SHQ1: variants seen among roughly 807,000 people sequenced by gnomAD.
SHQ1 encodes the protein protein SHQ1 homolog.
A neutral mutation model predicts 53.8 loss-of-function variants in SHQ1; 49 were observed. That is an observed-to-expected ratio of 0.91 (90% CI 0.72 to 1.16). SHQ1 has a LOEUF of 1.16. Among genes scored for constraint, SHQ1 ranks in the 50% most tolerant of loss-of-function variants. The probability of loss-of-function intolerance (pLI) is 0.00; values close to 1 mark genes in which losing one functional copy is unlikely to be tolerated. For synonymous variants in SHQ1, 243 were observed against 251.0 expected (o/e 0.97, Z 0.30); for missense variants, 738 against 683.1 (o/e 1.08, Z -0.90).
chr3:72,848,158 A>C, intron 1 of SHQ1, 40 bp downstream of exon 1: 1 of 1,613,074 alleles, frequency 6.2e-7, no homozygotes, highest in South Asian at 1.1e-5. Context: ...CAGCTATCTA[A>C]CGAATGCGCC....
intron 10 of SHQ1, among the ~76,000 whole-genome samples, chr3:72,751,508 G>GTGTGTGTGTGTGTATATA (rs1210782182): frequency 8.5e-6 from 1 of 116,982 alleles, no homozygotes; most frequent in African/African-American, 4.4e-5. Context: ...GTGTGTGTGT[G>GTGTGTGTGTGTGTATATA]TATATATATA....
chr3:72,747,947 T>G (rs1163265051), downstream of SHQ1, among the ~76,000 whole-genome samples: 1 of 151,068 alleles, frequency 6.6e-6, no homozygotes, highest in Non-Finnish European at 1.5e-5. Flanking sequence ...TGAGATCATA[T>G]CACTGCACTC....
At chr3:72,811,262 G>A (rs933850396) in intron 9 of SHQ1, among the ~76,000 whole-genome samples, 1 of 152,144 alleles carries the variant, frequency 6.6e-6, no homozygotes, top group African/African-American at 2.4e-5. Flanking sequence ...GATATAACAG[G>A]ATAATCGCAA....
chr3:72,784,174 A>G (rs999492371), intron 10 of SHQ1, among the ~76,000 whole-genome samples: 2 of 151,980 alleles, frequency 1.3e-5, no homozygotes, highest in Non-Finnish European at 2.9e-5. Flanking sequence ...TTAAAAAAAA[A>G]AAGAACAACA....
At chr3:72,835,006 T>C (rs1000980404) in intron 4 of SHQ1, among the ~76,000 whole-genome samples, 2 of 152,122 alleles carry the variant, frequency 1.3e-5, no homozygotes, top group African/African-American at 2.4e-5. Flanking sequence ...CACTCCTTTC[T>C]AGAGGTTCTA....
the SHQ1 span, among the ~76,000 whole-genome samples, chr3:72,734,487 C>T: frequency 6.6e-6 from 1 of 151,258 alleles, no homozygotes; most frequent in Non-Finnish European, 1.5e-5. Flanking sequence ...ATTTCCTGAC[C>T]TGAAGTGATC....
At chr3:72,820,605 C>T (rs961818758) in intron 6 of SHQ1, among the ~76,000 whole-genome samples, 1 of 152,172 alleles carries the variant, frequency 6.6e-6, no homozygotes, top group East Asian at 1.9e-4. Context: ...TCTAACCTAG[C>T]AGCAGTACTG....
At chr3:72,771,241 T>G (rs1559664566) in intron 10 of SHQ1, among the ~76,000 whole-genome samples, 1 of 152,164 alleles carries the variant, frequency 6.6e-6, no homozygotes, top group Non-Finnish European at 1.5e-5. Context: ...TTGTGCTTGC[T>G]CCAAAAAATG....
intron 9 of SHQ1, 97 bp from the exon 10 acceptor site, chr3:72,793,133 T>G (rs563483454): frequency 8.9e-7 from 1 of 1,122,780 alleles, no homozygotes; most frequent in South Asian, 1.5e-5. Context: ...TCCTGATCAT[T>G]TCTTAAGAAC....
In SHQ1 at chr3:72,813,224, T is replaced by C. The variant is rs377632556; in HGVS notation, c.937-430A>G. Among the ~76,000 whole-genome samples the C allele has an allele frequency of 4.4e-3, 662 of 151,118 alleles. 5 individuals carry two copies. Among genetic ancestry groups the C allele is most frequent in the African/African-American group, 0.015 (629 of 41,138 alleles). On this transcript the variant is annotated intron_variant, in intron 8 of 10. Transcript: ENST00000325599. ...TGGTGGCTCATGCCTGTAAAGCACT[T>C]TGGGACTCCAGGCGGGTGGATCACC...
At chr3:72,840,254 A>AT (rs1215515520) in intron 4 of SHQ1, among the ~76,000 whole-genome samples, 1 of 150,240 alleles carries the variant, frequency 6.7e-6, no homozygotes, top group Non-Finnish European at 1.5e-5. Flanking sequence ...AAAAAAAAAA[A>AT]AAAAAAAAAA....
chr3:72,797,034 G>T (rs1033866405), intron 9 of SHQ1, among the ~76,000 whole-genome samples: 5 of 151,570 alleles, frequency 3.3e-5, no homozygotes, highest in Non-Finnish European at 5.9e-5. Flanking sequence ...GAGGCGGGCA[G>T]ATCACCTGAA....
intron 10 of SHQ1, among the ~76,000 whole-genome samples, chr3:72,770,751 C>T (rs190596453): frequency 1.3e-5 from 2 of 152,218 alleles, no homozygotes; most frequent in African/African-American, 4.8e-5. Flanking sequence ...AGGAAAGAGG[C>T]AAATGTGTCT....
the SHQ1 span, among the ~76,000 whole-genome samples, chr3:72,726,859 T>C: frequency 6.6e-6 from 1 of 152,130 alleles, no homozygotes; most frequent in Non-Finnish European, 1.5e-5. Context: ...AGATCATTGG[T>C]GCCAAATGAA....
At chr3:72,827,753 CT>C (rs397877851) in intron 5 of SHQ1, among the ~76,000 whole-genome samples, 1,392 of 111,628 alleles carry the variant, frequency 0.012, 7 homozygotes, top group African/African-American at 0.033. Flanking sequence ...TTTTTCAAGA[CT>C]TTTTTTTTTT....
chr3:72,830,928 G>A (rs1303601651), intron 5 of SHQ1, among the ~76,000 whole-genome samples: 1 of 152,146 alleles, frequency 6.6e-6, no homozygotes, highest in Non-Finnish European at 1.5e-5. Context: ...TTAGAAGAGA[G>A]GAGATAGGCA....
chr3:72,774,017 C>T (rs990332555), intron 10 of SHQ1, among the ~76,000 whole-genome samples: 3 of 152,032 alleles, frequency 2.0e-5, no homozygotes, highest in African/African-American at 7.2e-5. Flanking sequence ...CCTCCGAGGA[C>T]AAGAAGATAT....
At position 72,788,773 on chromosome 3, in the gene SHQ1, C is replaced by T. The variant is rs187891320; in HGVS notation, c.1181+4143G>A. ...CCTTGGGATGCTGTTAATCTATAAC[C>T]TTACCCCCAACCCCGTGCTCTCTGA... On this transcript the variant is annotated intron_variant, in intron 10 of 10. Coordinates refer to ENST00000325599, the MANE Select transcript of SHQ1 (RefSeq NM_018130.3). Among the ~76,000 whole-genome samples the T allele has an allele frequency of 5.6e-3, 847 of 152,196 alleles. 8 individuals are homozygous for T. The highest frequency in any genetic ancestry group is 0.018 in the African/African-American group (755 of 41,532).
chr3:72,797,938 C>A (rs1706677228), intron 9 of SHQ1, among the ~76,000 whole-genome samples: 1 of 152,060 alleles, frequency 6.6e-6, no homozygotes, highest in South Asian at 2.1e-4. Context: ...TCTATCAGAC[C>A]CTCAGCCACT....
Sources: allele counts gnomAD v4.1 joint callset (sites outside exome capture counted in the v4.1 genomes callset), GRCh38; gene constraint gnomAD v4.1.1; transcripts MANE v1.5; gene names NCBI Gene and HGNC (gene_info 2026-07-23, HGNC 2026-07-21).